The following GTF2I variants were observed in gnomAD, a reference collection of about 807,000 sequenced individuals.
The protein encoded by GTF2I is general transcription factor II-I.
In GTF2I, 12 loss-of-function variants were observed where a neutral mutation model predicts 67.6. The observed-to-expected ratio is 0.18, with a 90% CI of 0.11 to 0.29. GTF2I has a LOEUF of 0.29. GTF2I is among the 10% of genes least tolerant of loss of function. The probability of loss-of-function intolerance (pLI) is 1.00; values close to 1 mark genes in which losing one functional copy is unlikely to be tolerated. For missense variants in GTF2I, 271 were observed against 580.1 expected (o/e 0.47, Z 5.47); for synonymous variants, 149 against 197.0 (o/e 0.76, Z 2.04).
At chr7:74,711,769 A>G (rs2131400447) in intron 9 of GTF2I, among the ~76,000 whole-genome samples, 1 of 152,264 alleles carries the variant, frequency 6.6e-6, no homozygotes, top group East Asian at 1.9e-4. Context: ...CGTTGCACGT[A>G]TCAGTAGTAG....
At chr7:74,669,604 C>T (rs1052616769) in intron 1 of GTF2I, among the ~76,000 whole-genome samples, 6 of 151,820 alleles carry the variant, frequency 4.0e-5, no homozygotes, top group Non-Finnish European at 5.9e-5. Context: ...GGCACGATCT[C>T]GGCTCACTGA....
chr7:74,696,922 G>A (rs1334251204), intron 3 of GTF2I, among the ~76,000 whole-genome samples: 3 of 152,086 alleles, frequency 2.0e-5, no homozygotes, highest in African/African-American at 4.8e-5. Flanking sequence ...AATTCTGAGC[G>A]CTTTTCTGGG....
intron 1 of GTF2I, among the ~76,000 whole-genome samples, chr7:74,679,082 A>T (rs587725801): frequency 2.1e-5 from 3 of 139,628 alleles, no homozygotes; most frequent in East Asian, 2.2e-4. Flanking sequence ...ATTTTTAAAA[A>T]TTTTTTAATT....
rs1792331733 is a variant in GTF2I at position 74,716,876 on chromosome 7, T to C, written c.824-18T>C. ...CAGTTTTTATTGGTTTATTATATGTTGTTTATTTTCTTTTTAGGAAGCCAC... is the reference window on the plus strand; with the variant it reads ...CAGTTTTTATTGGTTTATTATATGTCGTTTATTTTCTTTTTAGGAAGCCAC... On this transcript the variant is annotated intron_variant, in intron 10 of 34. Coordinates refer to ENST00000573035, the MANE Select transcript of GTF2I (RefSeq NM_032999.4). 6.4e-7 allele frequency: 1 copy of C among 1,562,010 alleles called. No homozygotes were observed. Among genetic ancestry groups the C allele is most frequent in the African/African-American group, 1.4e-5 (1 of 74,026 alleles).
intron 1 of GTF2I, chr7:74,684,977 A>G (rs1562948358): frequency 6.6e-6 from 1 of 152,192 alleles, no homozygotes; most frequent in Non-Finnish European, 1.5e-5. Context: ...TCTGGGGTTT[A>G]ACTACTTTCT....
intron 10 of GTF2I, among the ~76,000 whole-genome samples, chr7:74,715,697 T>A (rs2131422295): frequency 6.6e-6 from 1 of 152,150 alleles, no homozygotes; most frequent in South Asian, 2.1e-4. Flanking sequence ...AAGCATATTT[T>A]AAAAATGAAT....
intron 10 of GTF2I, chr7:74,716,605 A>G (rs1247160328): frequency 1.1e-5 from 3 of 276,656 alleles, no homozygotes; most frequent in South Asian, 6.3e-5. Context: ...TCAGATTCCA[A>G]TATCTAGTAA....
chr7:74,702,733 C>T (rs1388164924), intron 6 of GTF2I, among the ~76,000 whole-genome samples: 3 of 149,600 alleles, frequency 2.0e-5, no homozygotes, highest in African/African-American at 7.3e-5. Flanking sequence ...TTCTTTCTTT[C>T]TTTCTTTTTT....
At position 74,699,111 on chromosome 7, in the gene GTF2I, T is replaced by A. The variant is rs781898712; in HGVS notation, c.373+16T>A. On this transcript the variant is annotated intron_variant, in intron 4 of 34. Transcript: ENST00000573035. Reference sequence around the variant, plus strand: ...TTTTGCTATGGTAAAAACAATAGATTTAATTTTTCTAAAAGATACATTATA... The same window carrying A: ...TTTTGCTATGGTAAAAACAATAGATATAATTTTTCTAAAAGATACATTATA... The A allele has an allele frequency of 7.1e-7, 1 of 1,401,724 alleles. No homozygotes were observed. The highest frequency in any genetic ancestry group is 9.6e-7 in the Non-Finnish European group (1 of 1,044,094). 86.8% of individuals were successfully genotyped at this position (1,401,724 alleles called of 1,614,324 possible).
intron 6 of GTF2I, among the ~76,000 whole-genome samples, chr7:74,701,970 C>G (rs1021520869): frequency 6.6e-6 from 1 of 152,158 alleles, no homozygotes; most frequent in African/African-American, 2.4e-5. Flanking sequence ...ATCACTCACT[C>G]GAGGCTCATC....
chr7:74,679,648 G>A (rs1013087635), intron 1 of GTF2I, among the ~76,000 whole-genome samples: 1 of 152,068 alleles, frequency 6.6e-6, no homozygotes, highest in Non-Finnish European at 1.5e-5. Context: ...TAAAAAGGCA[G>A]TTTGGTCTTG....
At chr7:74,736,939 T>G (rs1406604883) in intron 18 of GTF2I, among the ~76,000 whole-genome samples, 1 of 131,764 alleles carries the variant, frequency 7.6e-6, no homozygotes, top group African/African-American at 2.7e-5. Flanking sequence ...ACGCCTGTAA[T>G]CGCAGCACTT....
At chr7:74,717,091 A>AT (rs1792356312) in intron 11 of GTF2I, 141 bp downstream of exon 11, 10 of 1,226,628 alleles carry the variant, frequency 8.2e-6, no homozygotes, top group South Asian at 1.8e-5. Flanking sequence ...ACAGGTTATT[A>AT]TTTTTTTAAA....
intron 1 of GTF2I, among the ~76,000 whole-genome samples, chr7:74,658,421 G>T (rs587712429): frequency 1.4e-5 from 2 of 145,134 alleles, no homozygotes; most frequent in Non-Finnish European, 3.1e-5. Context: ...GTGGGGGGGC[G>T]CCTCGCGCGT....
chr7:74,722,401 T>C (rs1350989404), intron 12 of GTF2I, among the ~76,000 whole-genome samples: 1 of 152,174 alleles, frequency 6.6e-6, no homozygotes, highest in Non-Finnish European at 1.5e-5. Context: ...GTCAGGTATG[T>C]TATCTCTAAT....
intron 14 of GTF2I, among the ~76,000 whole-genome samples, chr7:74,730,924 C>T (rs1284900232): frequency 2.2e-5 from 3 of 133,922 alleles, no homozygotes; most frequent in Non-Finnish European, 4.7e-5. Flanking sequence ...CCAGGCTTGT[C>T]TCAAACTCCT....
intron 13 of GTF2I, among the ~76,000 whole-genome samples, chr7:74,729,729 C>T (rs1451268061): frequency 1.4e-5 from 2 of 142,482 alleles, no homozygotes; most frequent in East Asian, 4.2e-4. Context: ...CCGCATGCCT[C>T]AGCCTCCCAA....
At chr7:74,688,051 A>G (rs1554395941) in intron 1 of GTF2I, among the ~76,000 whole-genome samples, 1 of 152,008 alleles carries the variant, frequency 6.6e-6, no homozygotes, top group African/African-American at 2.4e-5. Flanking sequence ...TATATGGTGT[A>G]TTGTTTTGGT....
intron 8 of GTF2I, among the ~76,000 whole-genome samples, chr7:74,709,827 C>T (rs1791296390): frequency 6.6e-6 from 1 of 151,238 alleles, no homozygotes; most frequent in South Asian, 2.1e-4. Context: ...TGCGTGCCAC[C>T]ACTCCCGGCT....
Sources: gnomAD v4.1 joint callset for allele counts (sites outside exome capture counted in the v4.1 genomes callset) on GRCh38, gnomAD v4.1.1 for gene constraint, MANE v1.5 for transcripts, NCBI Gene and HGNC (gene_info 2026-07-23, HGNC 2026-07-21) for gene names.